NAV2: variants seen among roughly 807,000 people sequenced by gnomAD.
NAV2 encodes neuron navigator 2, also known as helicase, APC down-regulated 1.
Under a neutral mutation model 223.2 loss-of-function variants are expected in NAV2, and 54 were observed. The ratio of observed to expected loss-of-function variants is 0.24; its 90% CI spans 0.19 to 0.30. The LOEUF (loss-of-function observed/expected upper bound fraction) is 0.30, where lower values mean the gene tolerates loss of function less well. Among genes scored for constraint, NAV2 ranks in the 10% least tolerant of loss-of-function variants. NAV2 has a pLI of 1.00. For synonymous variants in NAV2, 1,279 were observed against 1,239.3 expected, an observed-to-expected ratio of 1.03 and a Z score of -0.67; for missense variants, 2,806 against 3,147.5, an observed-to-expected ratio of 0.89 and a Z score of 2.60.
intron 1 of NAV2, among the ~76,000 whole-genome samples, chr11:19,479,159 A>G (rs2042207854): frequency 6.6e-6 from 1 of 152,090 alleles, no homozygotes; most frequent in African/African-American, 2.4e-5. Flanking sequence ...GAATCTAAAG[A>G]AACTTCTCTG....
chr11:19,427,464 G>A (rs1023416818), intron 1 of NAV2, among the ~76,000 whole-genome samples: 7 of 152,196 alleles, frequency 4.6e-5, no homozygotes, highest in African/African-American at 1.7e-4. Context: ...AGGGCAGCAT[G>A]TTAAGTGTCA....
intron 1 of NAV2, among the ~76,000 whole-genome samples, chr11:19,828,612 C>T (rs2059774866): frequency 6.6e-6 from 1 of 152,254 alleles, no homozygotes; most frequent in African/African-American, 2.4e-5. Context: ...CGTCAGCCTC[C>T]TCAGTAGCTG....
At chr11:19,536,517 T>A (rs2044193917) in intron 1 of NAV2, among the ~76,000 whole-genome samples, 1 of 152,208 alleles carries the variant, frequency 6.6e-6, no homozygotes. Context: ...AATCTGCACT[T>A]TGACAAGACT....
intron 7 of NAV2, among the ~76,000 whole-genome samples, chr11:19,937,352 C>G (rs888582200): frequency 6.4e-5 from 2 of 31,096 alleles, no homozygotes; most frequent in African/African-American, 8.1e-5. Context: ...TATAATTGCT[C>G]CCCCCCCGCC....
intron 1 of NAV2, among the ~76,000 whole-genome samples, chr11:19,442,116 C>G (rs1851426080): frequency 6.6e-6 from 1 of 152,212 alleles, no homozygotes; most frequent in Admixed American, 6.5e-5. Context: ...GTTTTAGAAA[C>G]AGGGACTGCT....
At chr11:19,844,699 T>C (rs2060690799) in intron 3 of NAV2, among the ~76,000 whole-genome samples, 1 of 152,236 alleles carries the variant, frequency 6.6e-6, no homozygotes, top group Non-Finnish European at 1.5e-5. Flanking sequence ...TATTTCCATA[T>C]GCAAATAAGT....
At chr11:19,598,781 A>T (rs1016877791) in intron 1 of NAV2, among the ~76,000 whole-genome samples, 71 of 152,132 alleles carry the variant, frequency 4.7e-4, no homozygotes, top group African/African-American at 1.7e-3. Context: ...CCGGCCTCTT[A>T]TGGGAAGGAC....
chr11:19,695,753 A>C (rs1205891538), intron 1 of NAV2, among the ~76,000 whole-genome samples: 1 of 150,698 alleles, frequency 6.6e-6, no homozygotes, highest in Non-Finnish European at 1.5e-5. Flanking sequence ...AAAATATAAA[A>C]ATTAGCCAGG....
chr11:19,802,254 T>A (rs2058312146), intron 1 of NAV2, among the ~76,000 whole-genome samples: 1 of 152,088 alleles, frequency 6.6e-6, no homozygotes, highest in South Asian at 2.1e-4. Context: ...TTAGGGAAAC[T>A]TGGCATGGAG....
chr11:19,979,321 GT>G (rs781618277), intron 10 of NAV2: 1 of 152,186 alleles, frequency 6.6e-6, no homozygotes, highest in Non-Finnish European at 1.5e-5. Context: ...GTACCTTCAT[GT>G]ATCCCCCATC....
At chr11:20,103,594 A>G (rs1208916130) in intron 33 of NAV2, 59 bp from the exon 34 acceptor site, 1 of 1,585,420 alleles carries the variant, frequency 6.3e-7, no homozygotes, top group Non-Finnish European at 8.7e-7. Context: ...CTCTGTGACC[A>G]CCTTGTTCTC....
At chr11:19,896,505 C>T (rs774478395) in intron 6 of NAV2, among the ~76,000 whole-genome samples, 15 of 152,078 alleles carry the variant, frequency 9.9e-5, no homozygotes, top group Non-Finnish European at 1.9e-4. Context: ...AAAATAAACA[C>T]TGAGAAAATT....
intron 2 of NAV2, among the ~76,000 whole-genome samples, chr11:19,841,498 C>A (rs1396132146): frequency 3.9e-5 from 6 of 152,034 alleles, no homozygotes; most frequent in African/African-American, 1.5e-4. Flanking sequence ...ATTTTGTGAG[C>A]AGTTATTGAG....
intron 11 of NAV2, among the ~76,000 whole-genome samples, chr11:20,029,721 T>C (rs1294833222): frequency 6.6e-6 from 1 of 152,204 alleles, no homozygotes; most frequent in Admixed American, 6.5e-5. Context: ...GGTCTAAAAA[T>C]GTGGAGTTTA....
chr11:20,115,226 G>C lies in NAV2; in HGVS notation c.7164+431G>C, dbSNP rs117907312. Among the ~76,000 whole-genome samples, 285 of 152,224 alleles carry C rather than the reference G, an allele frequency of 1.9e-3. 1 individual carries two copies. Among genetic ancestry groups the C allele is most frequent in the Non-Finnish European group, 3.1e-3 (208 of 68,016 alleles). On this transcript the variant is annotated intron_variant, in intron 37 of 37. Coordinates refer to ENST00000349880, the MANE Select transcript of NAV2 (RefSeq NM_145117.5). ...CAGGGAGAGGTCTGAGGGCAGGAGG[G>C]ACTCACAGAGGGGAGGAGGCCTGAA...
At chr11:19,702,361 AT>A (rs2049532946) in intron 1 of NAV2, among the ~76,000 whole-genome samples, 1 of 152,194 alleles carries the variant, frequency 6.6e-6, no homozygotes, top group Non-Finnish European at 1.5e-5. Context: ...GGTTTTGTTT[AT>A]TAGTTTGGGA....
At chr11:19,650,874 T>A (rs958581729) in intron 1 of NAV2, among the ~76,000 whole-genome samples, 1 of 152,172 alleles carries the variant, frequency 6.6e-6, no homozygotes, top group Non-Finnish European at 1.5e-5. Flanking sequence ...AAGGCAAACT[T>A]AATCTTTAAT....
chr11:19,714,465 C>G (rs373942270), intron 1 of NAV2: 6 of 456,526 alleles, frequency 1.3e-5, no homozygotes, highest in African/African-American at 1.0e-4. Flanking sequence ...TGAACCTGCT[C>G]TTCCCTTGGC....
intron 1 of NAV2, among the ~76,000 whole-genome samples, chr11:19,518,930 G>C (rs2632055): frequency 0.045 from 6,845 of 152,196 alleles, 535 homozygotes; most frequent in African/African-American, 0.16. Context: ...GGACCCCATA[G>C]AGCTCCCTCA....
Sources: gnomAD v4.1 joint callset for allele counts (sites outside exome capture counted in the v4.1 genomes callset) on GRCh38, gnomAD v4.1.1 for gene constraint, MANE v1.5 for transcripts, NCBI Gene and HGNC (gene_info 2026-07-23, HGNC 2026-07-21) for gene names.